FAT3: variants seen among roughly 807,000 people sequenced by gnomAD.
FAT3 encodes FAT atypical cadherin 3, also known as protocadherin Fat 3.
FAT3 carries 95 observed loss-of-function variants against 310.2 expected under a neutral mutation model. The ratio of observed to expected loss-of-function variants is 0.31; its 90% CI spans 0.26 to 0.36. FAT3 has a LOEUF of 0.36. FAT3 is among the 10% of genes least tolerant of loss of function. The pLI, the probability that FAT3 is intolerant of heterozygous loss-of-function variation, is 1.00. For missense variants in FAT3, 5,408 were observed against 5,715.6 expected, an observed-to-expected ratio of 0.95 and a Z score of 1.74; for synonymous variants, 2,314 against 2,192.9, an observed-to-expected ratio of 1.06 and a Z score of -1.54.
chr11:92,428,018 C>T (rs1363356358), intron 2 of FAT3, among the ~76,000 whole-genome samples: 1 of 150,822 alleles, frequency 6.6e-6, no homozygotes, highest in Non-Finnish European at 1.5e-5. Context: ...TTTTTTTTGG[C>T]TGGTAGGCTA....
chr11:92,479,854 T>G (rs1272320687), intron 2 of FAT3, among the ~76,000 whole-genome samples: 1 of 152,170 alleles, frequency 6.6e-6, no homozygotes, highest in East Asian at 1.9e-4. Context: ...TGTGTATACA[T>G]GACTAATAAA....
At chr11:92,651,402 G>A (rs1224093631) in intron 3 of FAT3, among the ~76,000 whole-genome samples, 2 of 152,180 alleles carry the variant, frequency 1.3e-5, no homozygotes, top group Admixed American at 6.5e-5. Flanking sequence ...CTCAGCTTCA[G>A]GAATAGGCAC....
chr11:92,539,507 C>G (rs576009448), intron 3 of FAT3, among the ~76,000 whole-genome samples: 10 of 152,186 alleles, frequency 6.6e-5, no homozygotes, highest in South Asian at 6.2e-4. Flanking sequence ...ATTTAATAAG[C>G]CTTTACGGAT....
intron 1 of FAT3, among the ~76,000 whole-genome samples, chr11:92,297,267 C>T (rs1946874372): frequency 6.6e-6 from 1 of 152,086 alleles, no homozygotes; most frequent in African/African-American, 2.4e-5. Context: ...TTTTTGGTGC[C>T]AATTTTTCTT....
At chr11:92,426,599 G>C (rs1409272903) in intron 2 of FAT3, among the ~76,000 whole-genome samples, 2 of 152,140 alleles carry the variant, frequency 1.3e-5, no homozygotes, top group African/African-American at 4.8e-5. Context: ...CATATGGCTA[G>C]CCAGTTTTCC....
At chr11:92,815,075 G>A (rs538491109) in intron 13 of FAT3, among the ~76,000 whole-genome samples, 17 of 152,238 alleles carry the variant, frequency 1.1e-4, no homozygotes, top group African/African-American at 3.9e-4. Flanking sequence ...GTTTGTGAAG[G>A]CCACTTAATT....
chr11:92,773,279 CA>C (rs1453255091), intron 6 of FAT3, among the ~76,000 whole-genome samples: 4 of 152,080 alleles, frequency 2.6e-5, no homozygotes, highest in Non-Finnish European at 5.9e-5. Flanking sequence ...TATATGTGGC[CA>C]GGGGGTTGAG....
chr11:92,471,666 C>T (rs1049207049), intron 2 of FAT3, among the ~76,000 whole-genome samples: 7 of 151,900 alleles, frequency 4.6e-5, no homozygotes, highest in African/African-American at 9.7e-5. Context: ...AATGCATTTA[C>T]GCTAATCAGT....
At chr11:92,770,198 CATAG>C (rs1176301027) in intron 6 of FAT3, among the ~76,000 whole-genome samples, 1 of 152,098 alleles carries the variant, frequency 6.6e-6, no homozygotes, top group Non-Finnish European at 1.5e-5. Context: ...CTCATTTTTC[CATAG>C]CAACAGTCTG....
chr11:92,867,073 G>T lies in FAT3; in HGVS notation c.11991G>T (p.Pro3997=), dbSNP rs1250948771. 1.3e-6 allele frequency: 2 copies of T among 1,591,792 alleles called. No individual in the cohort carries two copies. The highest frequency in any genetic ancestry group is 1.1e-5 in the South Asian group (1 of 87,870). The change falls in exon 22 of 28, where the codon CCG becomes CCT. Residue 3997 remains proline (P), a synonymous_variant. Transcript: ENST00000525166. ...DSVILNNNEL[P]LQNKRSSFAE... is the part of the protein sequence containing the mutation. ...TGATACTGAATAACAATGAGCTGCC[G>T]CTGCAGAACAAGCGCAGCAGCTTCG...
intron 7 of FAT3, among the ~76,000 whole-genome samples, chr11:92,777,258 A>G (rs1427039412): frequency 6.6e-6 from 1 of 152,214 alleles, no homozygotes; most frequent in Non-Finnish European, 1.5e-5. Flanking sequence ...CAAGTCATCC[A>G]TAAACAACAT....
At chr11:92,563,815 T>C (rs1405831754) in intron 3 of FAT3, among the ~76,000 whole-genome samples, 2 of 151,990 alleles carry the variant, frequency 1.3e-5, no homozygotes, top group African/African-American at 4.8e-5. Context: ...AGAAATAAAA[T>C]ACTTTACAGA....
chr11:92,835,826 T>C (rs1389441869), intron 15 of FAT3, among the ~76,000 whole-genome samples: 1 of 152,186 alleles, frequency 6.6e-6, no homozygotes, highest in Non-Finnish European at 1.5e-5. Context: ...CAGGGGGAAC[T>C]CTGTCTAACA....
At chr11:92,288,939 C>T (rs1946622320) in intron 1 of FAT3, among the ~76,000 whole-genome samples, 1 of 152,082 alleles carries the variant, frequency 6.6e-6, no homozygotes, top group Non-Finnish European at 1.5e-5. Flanking sequence ...CATTGCCTTC[C>T]CTTCTATTCC....
chr11:92,885,126 C>A (rs1949767872), intron 24 of FAT3, among the ~76,000 whole-genome samples: 1 of 152,184 alleles, frequency 6.6e-6, no homozygotes. Flanking sequence ...GAGGAGTCAG[C>A]ATCTCAAGAG....
chr11:92,384,508 C>T lies in FAT3; in HGVS notation c.3292+29104C>T, dbSNP rs542001019. ...GACTCATAACTTCTTTAAGCAAATT[C>T]CTCCCCCAGCCCTTTGCCCCATGAT... On this transcript the variant is annotated intron_variant, in intron 2 of 27. Transcript: ENST00000525166. Among the ~76,000 whole-genome samples, 4 of 152,240 alleles carry T rather than the reference C, an allele frequency of 2.6e-5. No homozygotes were observed. The South Asian group carries it at 6.2e-4, about 24-fold the overall frequency.
At chr11:92,483,337 T>C (rs1049644294) in intron 2 of FAT3, among the ~76,000 whole-genome samples, 1 of 152,072 alleles carries the variant, frequency 6.6e-6, no homozygotes, top group Non-Finnish European at 1.5e-5. Flanking sequence ...TTTTCTTTTC[T>C]TTTTCTTTTA....
chr11:92,765,149 GAAA>G (rs140929549), intron 6 of FAT3, 60 bp downstream of exon 6: 181 of 983,530 alleles, frequency 1.8e-4, no homozygotes, highest in South Asian at 4.9e-4. Context: ...AAGCAACTAG[GAAA>G]AAAAAAAAAA....
At position 92,799,928 on chromosome 11, in the gene FAT3, T is replaced by A; in HGVS notation, c.6915T>A (p.Pro2305=). ...TLSEASLIGT[P]VLQVVSIDAD... Reference sequence around the variant, plus strand: ...CAGAAGCATCTCTTATTGGGACACCTGTTTTACAAGTTGTCTCTATTGATG... The same window carrying A: ...CAGAAGCATCTCTTATTGGGACACCAGTTTTACAAGTTGTCTCTATTGATG... Residue 2305 remains proline (P), a synonymous_variant, in exon 10 of 28, where the codon CCT becomes CCA. Coordinates refer to ENST00000525166, the MANE Select transcript of FAT3 (RefSeq NM_001367949.2). 8 of 1,612,828 alleles carry A rather than the reference T, an allele frequency of 5.0e-6. No homozygotes were observed. The East Asian group carries it at 1.6e-4, about 31-fold the overall frequency.
Sources: gnomAD v4.1 joint callset for allele counts (sites outside exome capture counted in the v4.1 genomes callset) on GRCh38, gnomAD v4.1.1 for gene constraint, MANE v1.5 for transcripts, NCBI Gene and HGNC (gene_info 2026-07-23, HGNC 2026-07-21) for gene names.